Variants in CACNB2 observed in about 807,000 individuals in gnomAD.
The protein encoded by CACNB2 is calcium voltage-gated channel auxiliary subunit beta 2.
A neutral mutation model predicts 73.3 loss-of-function variants in CACNB2; 42 were observed. That is an observed-to-expected ratio of 0.57 (90% confidence interval 0.45 to 0.74). CACNB2 has a LOEUF of 0.74. Among genes scored for constraint, CACNB2 ranks in the 30% least tolerant of loss-of-function variants. The pLI is 0.00. For synonymous variants in CACNB2, 348 were observed against 310.3 expected, an observed-to-expected ratio of 1.12 and a Z score of -1.28; for missense variants, 940 against 853.0, an observed-to-expected ratio of 1.10 and a Z score of -1.27.
At chr10:18,201,857 AC>A (rs1484169575) in intron 2 of CACNB2, among the ~76,000 whole-genome samples, 1 of 152,152 alleles carries the variant, frequency 6.6e-6, no homozygotes, top group Non-Finnish European at 1.5e-5. Context: ...TCTCTCCCTG[AC>A]ATTTTTAAAA....
At chr10:18,506,644 TGTTAACCCTACAG>T in intron 6 of CACNB2, 97 bp downstream of exon 6, 1 of 786,498 alleles carries the variant, frequency 1.3e-6, no homozygotes, top group Non-Finnish European at 2.3e-6. Flanking sequence ...TGAATCACTA[TGTTAACCCTACAG>T]ATGTTAAAAG....
chr10:18,256,412 A>G (rs1408025853), intron 2 of CACNB2, among the ~76,000 whole-genome samples: 1 of 152,250 alleles, frequency 6.6e-6, no homozygotes, highest in African/African-American at 2.4e-5. Flanking sequence ...ATAAAACAAC[A>G]GATATTTTCA....
intron 3 of CACNB2, among the ~76,000 whole-genome samples, chr10:18,473,978 C>A (rs537471714): frequency 4.8e-4 from 73 of 152,266 alleles, no homozygotes; most frequent in African/African-American, 1.7e-3. Flanking sequence ...AATTGCTGGG[C>A]TTCCGTTTTT....
intron 6 of CACNB2, among the ~76,000 whole-genome samples, chr10:18,510,766 A>G (rs1256521176): frequency 6.6e-6 from 1 of 152,234 alleles, no homozygotes; most frequent in African/African-American, 2.4e-5. Flanking sequence ...AAAGGGTACT[A>G]TCCCTTGAAT....
intron 2 of CACNB2, among the ~76,000 whole-genome samples, chr10:18,159,384 A>C (rs958890522): frequency 9.9e-5 from 15 of 152,222 alleles, no homozygotes; most frequent in African/African-American, 3.4e-4. Flanking sequence ...GGGATTTTCA[A>C]GCGCCATTGT....
At chr10:18,308,732 G>C (rs946494095) in intron 2 of CACNB2, among the ~76,000 whole-genome samples, 1 of 152,184 alleles carries the variant, frequency 6.6e-6, no homozygotes, top group African/African-American at 2.4e-5. Flanking sequence ...AGTGTGCCAA[G>C]TATGGGAGCC....
chr10:18,141,352 A>G (rs1457438513), intron 1 of CACNB2: 1 of 807,028 alleles, frequency 1.2e-6, no homozygotes, highest in African/African-American at 1.7e-5. Flanking sequence ...GGGAGCGAAT[A>G]TGGGGGTGCC....
intron 1 of CACNB2, among the ~76,000 whole-genome samples, chr10:18,142,106 T>C (rs987056019): frequency 6.6e-6 from 1 of 152,222 alleles, no homozygotes; most frequent in South Asian, 2.1e-4. Flanking sequence ...ATGAGTGCTC[T>C]AGATATTTTG....
chr10:18,215,221 C>A (rs778365261), intron 2 of CACNB2, among the ~76,000 whole-genome samples: 13 of 152,106 alleles, frequency 8.5e-5, no homozygotes, highest in Non-Finnish European at 1.9e-4. Context: ...CACAAGTAGC[C>A]TACAAACTCA....
intron 4 of CACNB2, 55 bp from the exon 5 acceptor site, chr10:18,500,757 A>G (rs772059708): frequency 1.3e-5 from 21 of 1,561,744 alleles, no homozygotes; most frequent in Non-Finnish European, 1.9e-5. Flanking sequence ...GTGTGGAAGA[A>G]CAAGGATTTG....
intron 2 of CACNB2, among the ~76,000 whole-genome samples, chr10:18,160,425 C>T (rs941884523): frequency 2.0e-5 from 3 of 151,964 alleles, no homozygotes; most frequent in Non-Finnish European, 2.9e-5. Flanking sequence ...CACTTTCCAC[C>T]GATACCTCAT....
At chr10:18,163,994 C>G (rs1220729197) in intron 2 of CACNB2, among the ~76,000 whole-genome samples, 2 of 152,150 alleles carry the variant, frequency 1.3e-5, no homozygotes, top group African/African-American at 2.4e-5. Flanking sequence ...CTATCTGCCT[C>G]TTCAGAGATG....
At chr10:18,242,802 G>A (rs2036706923) in intron 2 of CACNB2, among the ~76,000 whole-genome samples, 1 of 148,826 alleles carries the variant, frequency 6.7e-6, no homozygotes, top group Admixed American at 6.8e-5. Context: ...GGCTAACACA[G>A]TGAAACCCCG....
rs1287345583 is a variant in CACNB2, at chr10:18,172,922, G to C, written c.213+21947G>C. ...ATCTTCAAATAGGGAAAATAATAAG[G>C]CCTTTTTTTTTTTTTTTAAATGGAG... On this transcript the variant is annotated intron_variant, in intron 2 of 13. Coordinates refer to ENST00000324631, the MANE Select transcript of CACNB2 (RefSeq NM_201596.3). Among the ~76,000 whole-genome samples, 3 of 74,976 alleles carry C rather than the reference G, an allele frequency of 4.0e-5. No homozygotes were observed. The South Asian group carries it at 1.3e-3, about 33-fold the overall frequency. The allele number at this position is 74,976 out of a possible 152,430, so 49.2% of individuals were successfully genotyped here.
At chr10:18,231,029 C>G (rs1187528627) in intron 2 of CACNB2, among the ~76,000 whole-genome samples, 10 of 152,118 alleles carry the variant, frequency 6.6e-5, no homozygotes, top group Admixed American at 5.2e-4. Flanking sequence ...AAGGATGCGT[C>G]TCAGTGTTTT....
At chr10:18,445,171 G>A (rs1357292568) in intron 3 of CACNB2, among the ~76,000 whole-genome samples, 1 of 152,030 alleles carries the variant, frequency 6.6e-6, no homozygotes, top group Non-Finnish European at 1.5e-5. Context: ...TATTTTTTCA[G>A]TTCATTATTA....
chr10:18,527,377 AAAAC>A (rs896440981), intron 9 of CACNB2, among the ~76,000 whole-genome samples: 40 of 152,322 alleles, frequency 2.6e-4, no homozygotes, highest in African/African-American at 8.9e-4. Flanking sequence ...ACTCTGTCTC[AAAAC>A]AAACAAAAAA....
At chr10:18,288,767 A>G (rs2038918478) in intron 2 of CACNB2, among the ~76,000 whole-genome samples, 1 of 152,002 alleles carries the variant, frequency 6.6e-6, no homozygotes. Context: ...TTTCTCTGCC[A>G]GGCGCGGTGC....
Position 18,518,322 on chromosome 10 carries a change from TC to T in CACNB2, c.805-12del. ...TGCCTGTGAAACGTCTAAAAGCCTC[TC>T]CTCTCTCTGCAGACAGAGCACACTC... On this transcript the variant is annotated splice_polypyrimidine_tract_variant and intron_variant, in intron 7 of 13. Transcript: ENST00000324631. 6.3e-7 allele frequency: 1 copy of T among 1,595,616 alleles called. No individual in the cohort carries two copies. The highest frequency in any genetic ancestry group is 8.6e-7 in the Non-Finnish European group (1 of 1,163,228).
Sources: allele counts gnomAD v4.1 joint callset (sites outside exome capture counted in the v4.1 genomes callset), GRCh38; gene constraint gnomAD v4.1.1; transcripts MANE v1.5; gene names NCBI Gene and HGNC (gene_info 2026-07-23, HGNC 2026-07-21).